The following FAM91A1 variants were observed in gnomAD, a reference collection of about 807,000 sequenced individuals.
FAM91A1 encodes the protein family with sequence similarity 91 member A1, also known as protein FAM91A1.
FAM91A1 carries 41 observed loss-of-function variants against 113.5 expected under a neutral mutation model. The observed-to-expected ratio is 0.36, with a 90% CI of 0.28 to 0.47. FAM91A1 has a LOEUF of 0.47. Among genes scored for constraint, FAM91A1 ranks in the 20% least tolerant of loss-of-function variants. The pLI is 1.00. For synonymous variants in FAM91A1, 307 were observed against 347.9 expected, an observed-to-expected ratio of 0.88 and a Z score of 1.31; for missense variants, 696 against 1,001.2, an observed-to-expected ratio of 0.70 and a Z score of 4.11.
chr8:123,779,853 A>G (rs1016683486), intron 6 of FAM91A1, 132 bp from the exon 7 acceptor site: 5 of 695,302 alleles, frequency 7.2e-6, no homozygotes, highest in Admixed American at 3.0e-5. Flanking sequence ...TGTTTGAATT[A>G]TAGAGTGATA....
chr8:123,781,629 C>T (rs1196122219), intron 8 of FAM91A1, among the ~76,000 whole-genome samples: 1 of 152,020 alleles, frequency 6.6e-6, no homozygotes, highest in Non-Finnish European at 1.5e-5. Flanking sequence ...AGGCACCCAC[C>T]ATCACGTCTG....
chr8:123,800,952 C>G (rs1220802338), intron 18 of FAM91A1, among the ~76,000 whole-genome samples: 1 of 152,036 alleles, frequency 6.6e-6, no homozygotes, highest in Non-Finnish European at 1.5e-5. Flanking sequence ...TTGTTTTCAC[C>G]TTTTGGCCAT....
chr8:123,775,074 G>T, intron 2 of FAM91A1, 73 bp from the exon 3 acceptor site: 7 of 1,368,176 alleles, frequency 5.1e-6, no homozygotes, highest in East Asian at 5.0e-5. Context: ...CTGTTGGTTT[G>T]TAAAGTGTTC....
intron 22 of FAM91A1, among the ~76,000 whole-genome samples, chr8:123,809,252 T>G (rs1387670159): frequency 6.6e-6 from 1 of 152,172 alleles, no homozygotes; most frequent in Admixed American, 6.6e-5. Context: ...TTATATTTAT[T>G]TAGTAATCTA....
chr8:123,810,352 G>C lies in FAM91A1; in HGVS notation c.2331+1G>C. On this transcript the variant is annotated splice_donor_variant, in intron 23 of 23. Coordinates refer to ENST00000334705, the MANE Select transcript of FAM91A1 (RefSeq NM_144963.4). LOFTEE classifies it high-confidence loss of function. ...CCTTAACTTTGTTCACTCATTCCAG[G>C]TAACAAAAACCAAAAAGTCCAAATG... The C allele has an allele frequency of 1.2e-6, 2 of 1,612,258 alleles. No individual in the cohort carries two copies. The highest frequency in any genetic ancestry group is 8.5e-7 in the Non-Finnish European group (1 of 1,179,292).
At chr8:123,774,925 G>T (rs1310360440) in intron 2 of FAM91A1, among the ~76,000 whole-genome samples, 1 of 152,096 alleles carries the variant, frequency 6.6e-6, no homozygotes, top group Non-Finnish European at 1.5e-5. Flanking sequence ...CATTTGGCAA[G>T]AATTATTCTC....
At chr8:123,810,655 C>T (rs1027932083) in intron 23 of FAM91A1, 6 of 406,400 alleles carry the variant, frequency 1.5e-5, no homozygotes, top group Non-Finnish European at 2.2e-5. Flanking sequence ...AGCGCACTTC[C>T]CAATAACTAA....
rs763992082 is a variant in FAM91A1, at chr8:123,778,786, A to G, written c.549+14A>G. The G allele has an allele frequency of 4.9e-6, 7 of 1,422,778 alleles. No homozygotes were observed. The African/African-American group carries it at 7.4e-5, about 15-fold the overall frequency. 88.1% of individuals were successfully genotyped at this position (1,422,778 alleles called of 1,614,324 possible). A position where few individuals can be genotyped will look rare whatever the true frequency, so the allele number is the denominator to read the frequency against. On this transcript the variant is annotated intron_variant, in intron 6 of 23. Transcript: ENST00000334705. ...GATGACATCAAGGTAGAAATCTTTA[A>G]AAGTTAAACATAGAATTTTTATTTT...
rs768272722 is a variant in FAM91A1, at chr8:123,812,476, G to T, written c.2332-43G>T. 2.5e-5 allele frequency: 37 copies of T among 1,507,940 alleles called. No homozygotes were observed. In the East Asian group the frequency reaches 7.4e-4, roughly 30 times the overall value. The allele number at this position is 1,507,940 out of a possible 1,614,324, so 93.4% of individuals were successfully genotyped here. ...TCATTAGTTATATTAAGTGGTTTTGGTAAAGTGTTGAATATCATTTCTCTT... is the reference window on the plus strand; with the variant it reads ...TCATTAGTTATATTAAGTGGTTTTGTTAAAGTGTTGAATATCATTTCTCTT... On this transcript the variant is annotated intron_variant, in intron 23 of 23. Coordinates refer to ENST00000334705, the MANE Select transcript of FAM91A1 (RefSeq NM_144963.4).
At chr8:123,797,407 GCCTGCCTCT>G (rs1464827701) in intron 15 of FAM91A1, among the ~76,000 whole-genome samples, 1 of 152,118 alleles carries the variant, frequency 6.6e-6, no homozygotes, top group Admixed American at 6.5e-5. Context: ...CACCCATCAT[GCCTGCCTCT>G]CCTGCCTCCC....
chr8:123,801,564 C>T (rs1045574506), intron 18 of FAM91A1, among the ~76,000 whole-genome samples: 4 of 152,236 alleles, frequency 2.6e-5, no homozygotes, highest in African/African-American at 9.6e-5. Flanking sequence ...CAGGGCCCCT[C>T]ATCTTCAAGG....
chr8:123,788,032 T>C lies in FAM91A1; in HGVS notation c.1278+282T>C, dbSNP rs1412902949. Among the ~76,000 whole-genome samples, 5 of 152,202 alleles carry C rather than the reference T, an allele frequency of 3.3e-5. 1 individual carries two copies. The highest frequency in any genetic ancestry group is 2.6e-4 in the Admixed American group (4 of 15,288). ...GGGGTATAGAAATTTTAGTCTGTAATGTTTTAAGTTGAATTTTTGCTAAAA... is the reference window on the plus strand; with the variant it reads ...GGGGTATAGAAATTTTAGTCTGTAACGTTTTAAGTTGAATTTTTGCTAAAA... On this transcript the variant is annotated intron_variant, in intron 14 of 23. Transcript: ENST00000334705.
In FAM91A1 at chr8:123,814,665, G is replaced by A. The variant is rs1816031358; in HGVS notation, c.*1961G>A. On this transcript the variant is annotated 3_prime_UTR_variant, in exon 24 of 24. Coordinates refer to ENST00000334705, the MANE Select transcript of FAM91A1 (RefSeq NM_144963.4). ...GGTTTCTTGTGTTGAATGAGGCAAG[G>A]GTAATCATCTGATTCCGAGCTGAAG... 6.6e-6 allele frequency: 1 copy of A among 152,616 alleles called. No individual in the cohort carries two copies. The highest frequency in any genetic ancestry group is 6.6e-5 in the Admixed American group (1 of 15,266). 9.5% of individuals were successfully genotyped at this position (152,616 alleles called of 1,614,324 possible). A position where few individuals can be genotyped will look rare whatever the true frequency, so the allele number is the denominator to read the frequency against.
intron 15 of FAM91A1, among the ~76,000 whole-genome samples, chr8:123,795,962 A>G (rs1467423283): frequency 6.6e-6 from 1 of 152,184 alleles, no homozygotes; most frequent in Non-Finnish European, 1.5e-5. Context: ...GGCAACAAGA[A>G]CACTTTTTCT....
At chr8:123,784,213 T>A (rs1338324936) in intron 8 of FAM91A1, among the ~76,000 whole-genome samples, 1 of 152,212 alleles carries the variant, frequency 6.6e-6, no homozygotes, top group Non-Finnish European at 1.5e-5. Context: ...ATCCAGCATT[T>A]CTGAGTTACC....
chr8:123,799,901 T>C lies in FAM91A1; in HGVS notation c.1809+16T>C. The C allele has an allele frequency of 1.3e-6, 2 of 1,545,678 alleles. No homozygotes were observed. Among genetic ancestry groups the C allele is most frequent in the Admixed American group, 1.9e-5 (1 of 51,324 alleles). On this transcript the variant is annotated intron_variant, in intron 18 of 23. Transcript: ENST00000334705. ...TTTAATTCAGGTACATTTATCTTAT[T>C]TGAAATTTTGTCTTTTTATTATAAA...
At chr8:123,807,375 G>A (rs1815836732) in intron 20 of FAM91A1, among the ~76,000 whole-genome samples, 1 of 151,434 alleles carries the variant, frequency 6.6e-6, no homozygotes, top group Non-Finnish European at 1.5e-5. Flanking sequence ...GCCAGGTACA[G>A]GCTCATGCCT....
intron 21 of FAM91A1, 116 bp from the exon 22 acceptor site, chr8:123,808,777 C>T: frequency 9.9e-7 from 1 of 1,014,878 alleles, no homozygotes; most frequent in South Asian, 2.1e-5. Flanking sequence ...TGGTGGATAT[C>T]AGTGGGGCAG....
At chr8:123,804,393 A>C (rs927529374) in intron 18 of FAM91A1, among the ~76,000 whole-genome samples, 1 of 142,220 alleles carries the variant, frequency 7.0e-6, no homozygotes, top group Middle Eastern at 3.6e-3. Flanking sequence ...CAGGAGGCTG[A>C]GGCAGGAGAA....
Sources: allele counts gnomAD v4.1 joint callset (sites outside exome capture counted in the v4.1 genomes callset), GRCh38; gene constraint gnomAD v4.1.1; transcripts MANE v1.5; gene names NCBI Gene and HGNC (gene_info 2026-07-23, HGNC 2026-07-21).